SVOPL: variants seen among roughly 807,000 people sequenced by gnomAD.
SVOPL encodes SVOP like.
SVOPL carries 60 observed loss-of-function variants against 61.0 expected under a neutral mutation model. The ratio of observed to expected loss-of-function variants is 0.98; its 90% CI spans 0.80 to 1.22. SVOPL has a LOEUF of 1.22. SVOPL is among the 50% of genes most tolerant of loss of function. The pLI is 0.00. For missense variants in SVOPL, 662 were observed against 643.9 expected (o/e 1.03, Z -0.30); for synonymous variants, 279 against 250.0 (o/e 1.12, Z -1.09).
chr7:138,637,617 C>T (rs1435926681), intron 9 of SVOPL, among the ~76,000 whole-genome samples: 2 of 151,526 alleles, frequency 1.3e-5, no homozygotes, highest in Non-Finnish European at 2.9e-5. Context: ...TTTCTTGTAC[C>T]CAATTAAACC....
chr7:138,614,540 C>T (rs1001796141), intron 14 of SVOPL, among the ~76,000 whole-genome samples: 7 of 151,950 alleles, frequency 4.6e-5, no homozygotes, highest in South Asian at 2.1e-4. Flanking sequence ...GGATTGCAGA[C>T]GTGTGCCACC....
At chr7:138,690,166 C>G (rs1802909819) in intron 1 of SVOPL, among the ~76,000 whole-genome samples, 1 of 152,188 alleles carries the variant, frequency 6.6e-6, no homozygotes, top group Admixed American at 6.6e-5. Flanking sequence ...TGATCAATTT[C>G]TCTTGTTTAA....
intron 9 of SVOPL, among the ~76,000 whole-genome samples, chr7:138,635,559 A>G (rs554979022): frequency 6.6e-6 from 1 of 152,116 alleles, no homozygotes; most frequent in East Asian, 1.9e-4. Flanking sequence ...TTTAAACTTG[A>G]TAAATATGAG....
chr7:138,614,392 CTT>C (rs528123598), intron 14 of SVOPL, among the ~76,000 whole-genome samples: 10,512 of 137,508 alleles, frequency 0.076, 379 homozygotes, highest in African/African-American at 0.12. Context: ...AGCATTTCAA[CTT>C]TTTTTTTTTT....
At chr7:138,672,329 TGA>T (rs911788064) in intron 3 of SVOPL, among the ~76,000 whole-genome samples, 11 of 152,156 alleles carry the variant, frequency 7.2e-5, no homozygotes, top group African/African-American at 1.7e-4. Context: ...TTGAACAACT[TGA>T]GAGAGTTCCC....
chr7:138,629,415 T>C (rs943213986), intron 10 of SVOPL, among the ~76,000 whole-genome samples: 1 of 152,000 alleles, frequency 6.6e-6, no homozygotes, highest in Non-Finnish European at 1.5e-5. Context: ...GTATTTTTAG[T>C]GGAAACAGGG....
rs201883001 is a variant in SVOPL, at chr7:138,693,057, A to AT, written c.-35+8120dup. On this transcript the variant is annotated intron_variant, in intron 1 of 15. Transcript: ENST00000674285. Reference sequence around the variant, plus strand: ...GAGAATAACTAAAGATACCTATAACATATTGGGAGAATAGCACAAAGGAAG... The same window carrying AT: ...GAGAATAACTAAAGATACCTATAACATTATTGGGAGAATAGCACAAAGGAAG... 2.0e-5 allele frequency among the ~76,000 whole-genome samples: 3 copies of AT among 152,196 alleles called. No homozygotes were observed. The East Asian group carries it at 5.8e-4, about 29-fold the overall frequency.
rs914732485 is a variant in SVOPL, at chr7:138,633,230, C to T, written c.790-3108G>A. Among the ~76,000 whole-genome samples, 5 of 152,022 alleles carry T rather than the reference C, an allele frequency of 3.3e-5. No individual in the cohort carries two copies. The East Asian group carries it at 5.8e-4, about 18-fold the overall frequency. On this transcript the variant is annotated intron_variant, in intron 9 of 15. Transcript: ENST00000674285. ...ATTCTGAATCCTTTGGAAGAAAGTTCGGGTTTCTTGTTTAATATAGTTTGG... is the reference window on the plus strand; with the variant it reads ...ATTCTGAATCCTTTGGAAGAAAGTTTGGGTTTCTTGTTTAATATAGTTTGG...
chr7:138,694,388 G>A (rs1056984619), intron 1 of SVOPL, among the ~76,000 whole-genome samples: 1 of 151,986 alleles, frequency 6.6e-6, no homozygotes, highest in Non-Finnish European at 1.5e-5. Flanking sequence ...GGGATTACAA[G>A]TGCCTGCCAC....
At chr7:138,596,822 G>A in intron 14 of SVOPL, 4 of 1,117,384 alleles carry the variant, frequency 3.6e-6, no homozygotes, top group Non-Finnish European at 4.4e-6. Context: ...GGAAAAGATG[G>A]GGGATCTGCC....
intron 14 of SVOPL, among the ~76,000 whole-genome samples, chr7:138,616,292 G>A (rs1264931023): frequency 6.6e-6 from 1 of 152,080 alleles, no homozygotes; most frequent in Non-Finnish European, 1.5e-5. Context: ...TGACCTATTG[G>A]CAGAGGCCTT....
At chr7:138,660,711 T>C in intron 5 of SVOPL, 1 of 985,398 alleles carries the variant, frequency 1.0e-6, no homozygotes, top group Non-Finnish European at 1.2e-6. Context: ...AGACAAATGT[T>C]CAGGTTAGCA....
At chr7:138,612,674 C>T (rs1799107737) in intron 14 of SVOPL, among the ~76,000 whole-genome samples, 2 of 152,014 alleles carry the variant, frequency 1.3e-5, no homozygotes, top group African/African-American at 2.4e-5. Flanking sequence ...TGCCACCATG[C>T]CCAGCTAATA....
intron 5 of SVOPL, chr7:138,662,765 G>T (rs991795305): frequency 1.7e-6 from 2 of 1,164,750 alleles, no homozygotes; most frequent in African/African-American, 3.2e-5. Context: ...ACCTTTAAAA[G>T]TTCAAATAGA....
At chr7:138,596,824 G>T (rs1798300310) in intron 14 of SVOPL, 1 of 1,112,062 alleles carries the variant, frequency 9.0e-7, no homozygotes, top group Non-Finnish European at 1.1e-6. Context: ...AAAAGATGGG[G>T]GATCTGCCCG....
intron 9 of SVOPL, among the ~76,000 whole-genome samples, chr7:138,634,819 G>T (rs1173945757): frequency 6.6e-6 from 1 of 151,508 alleles, no homozygotes; most frequent in Non-Finnish European, 1.5e-5. Flanking sequence ...TACAAAAATA[G>T]CCAGGCATGG....
chr7:138,651,266 G>C (rs918119473), intron 7 of SVOPL, among the ~76,000 whole-genome samples: 2 of 152,114 alleles, frequency 1.3e-5, no homozygotes, highest in Non-Finnish European at 2.9e-5. Flanking sequence ...AGACTATTTG[G>C]TTACTGTGTT....
intron 5 of SVOPL, chr7:138,660,280 C>T (rs1584849843): frequency 1.8e-6 from 2 of 1,122,632 alleles, no homozygotes; most frequent in Non-Finnish European, 2.2e-6. Context: ...AAAAACGTGT[C>T]CTCCCTACTC....
intron 4 of SVOPL, chr7:138,663,527 C>T: frequency 9.9e-7 from 1 of 1,010,856 alleles, no homozygotes; most frequent in Non-Finnish European, 1.2e-6. Flanking sequence ...AGCAGTCTCC[C>T]TTTATGTTAT....
Sources: allele counts gnomAD v4.1 joint callset (sites outside exome capture counted in the v4.1 genomes callset), GRCh38; gene constraint gnomAD v4.1.1; transcripts MANE v1.5; gene names NCBI Gene and HGNC (gene_info 2026-07-23, HGNC 2026-07-21).